Variants in RBM45 observed in about 807,000 individuals in gnomAD.
RBM45 encodes RNA binding motif protein 45.
A neutral mutation model predicts 58.5 loss-of-function variants in RBM45; 39 were observed. That is an observed-to-expected ratio of 0.67 (90% CI 0.52 to 0.87). The LOEUF (loss-of-function observed/expected upper bound fraction) is 0.87. Ranked by LOEUF, RBM45 falls within the 40% of genes least tolerant of loss-of-function variation. The probability of loss-of-function intolerance (pLI) is 0.00; values close to 1 mark genes in which losing one functional copy is unlikely to be tolerated. For missense variants in RBM45, 481 were observed against 581.6 expected, an observed-to-expected ratio of 0.83 and a Z score of 1.78; for synonymous variants, 193 against 203.0, an observed-to-expected ratio of 0.95 and a Z score of 0.42.
Position 178,112,876 on chromosome 2 carries a change from G to C in RBM45, c.300+30G>C, listed in dbSNP as rs368489501. 3 of 1,593,148 alleles carry C rather than the reference G, an allele frequency of 1.9e-6. No individual in the cohort carries two copies. The African/African-American group carries it at 4.0e-5, about 21-fold the overall frequency. On this transcript the variant is annotated intron_variant, in intron 1 of 9. Transcript: ENST00000286070. ...GGGTGCCCGGGTCGGGGTGCCCTCG[G>C]GGGAAGGAGTGGGCCTCTTGGACCT...
In RBM45 at chr2:178,116,370, C is replaced by A; in HGVS notation, c.409C>A (p.Arg137=). Residue 137 remains arginine (R), a synonymous_variant, in exon 2 of 10, where the codon CGG becomes AGG. Transcript: ENST00000286070. ...AAAGTCCTACACAGAAGAAGATCTG[C>A]GGGAAAAATTTAAGGTATTTATTCT... is the stretch of plus-strand genomic sequence containing the variant. ...IPKSYTEEDL[R]EKFKVYGDIE... The A allele has an allele frequency of 1.2e-6, 2 of 1,603,068 alleles. No individual in the cohort carries two copies. Among genetic ancestry groups the A allele is most frequent in the Non-Finnish European group, 1.7e-6 (2 of 1,176,716 alleles).
At chr2:178,131,520 G>A (rs908663986), downstream of RBM45, among the ~76,000 whole-genome samples, 2 of 152,166 alleles carry the variant, frequency 1.3e-5, no homozygotes, top group Non-Finnish European at 1.5e-5. Flanking sequence ...CACATTCTCT[G>A]TTCAGATTAA....
chr2:178,128,154 T>G (rs2087958939), intron 9 of RBM45, among the ~76,000 whole-genome samples: 1 of 151,936 alleles, frequency 6.6e-6, no homozygotes, highest in Admixed American at 6.6e-5. Context: ...TACAGGCATG[T>G]GCCACCATGC....
downstream of RBM45, among the ~76,000 whole-genome samples, chr2:178,132,471 T>G (rs2088012844): frequency 6.6e-6 from 1 of 152,252 alleles, no homozygotes; most frequent in Non-Finnish European, 1.5e-5. Context: ...TAAGGGACTT[T>G]ACCACTAGGT....
At chr2:178,125,454 A>G (rs2087916226) in intron 8 of RBM45, among the ~76,000 whole-genome samples, 1 of 152,202 alleles carries the variant, frequency 6.6e-6, no homozygotes, top group African/African-American at 2.4e-5. Flanking sequence ...CCTGAAGTAT[A>G]AAAATAATTT....
chr2:178,118,244 G>A (rs752581540), intron 3 of RBM45, 63 bp downstream of exon 3: 58 of 1,458,446 alleles, frequency 4.0e-5, no homozygotes, highest in Non-Finnish European at 5.2e-5. Context: ...CTAAATAGCT[G>A]AATTTAATAT....
At chr2:178,116,128 CTT>C in intron 1 of RBM45, 132 bp from the exon 2 acceptor site, 8 of 1,074,202 alleles carry the variant, frequency 7.4e-6, no homozygotes, top group Non-Finnish European at 1.0e-5. Context: ...CTGCAGCCTG[CTT>C]TTTTTTTTCT....
intron 2 of RBM45, 139 bp from the exon 3 acceptor site, chr2:178,117,916 A>C: frequency 3.9e-6 from 2 of 511,672 alleles, no homozygotes; most frequent in Non-Finnish European, 6.6e-6. Flanking sequence ...GCAAATACAA[A>C]TATGCAATAT....
chr2:178,120,273 T>G lies in RBM45; in HGVS notation c.551-14T>G. 6.2e-7 allele frequency: 1 copy of G among 1,611,688 alleles called. No homozygotes were observed. Among genetic ancestry groups the G allele is most frequent in the Non-Finnish European group, 8.5e-7 (1 of 1,179,160 alleles). On this transcript the variant is annotated splice_polypyrimidine_tract_variant and intron_variant, in intron 3 of 9. Transcript: ENST00000286070. ...AATTTGCTGTGAAACTTGAAATTCA[T>G]GGGGTTTTTTCAGGTTTTAGAGCAA...
intron 5 of RBM45, 60 bp from the exon 6 acceptor site, chr2:178,123,462 C>T (rs921867217): frequency 1.3e-5 from 19 of 1,492,568 alleles, no homozygotes; most frequent in Admixed American, 9.8e-5. Flanking sequence ...TAGATTGTAA[C>T]ATAGGCCTTA....
chr2:178,128,022 T>TA (rs869234357), intron 9 of RBM45, among the ~76,000 whole-genome samples: 62 of 144,088 alleles, frequency 4.3e-4, no homozygotes, highest in Non-Finnish European at 6.7e-4. Context: ...TTTTTTTTTT[T>TA]AAACACAGAA....
At chr2:178,134,418 C>A (rs1350775422), downstream of RBM45, among the ~76,000 whole-genome samples, 1 of 152,146 alleles carries the variant, frequency 6.6e-6, no homozygotes, top group Non-Finnish European at 1.5e-5. Flanking sequence ...TCTCTGAATT[C>A]TTCTCCAAAT....
chr2:178,135,257 C>A (rs181284356), intron 3 of RBM45, among the ~76,000 whole-genome samples: 1 of 152,280 alleles, frequency 6.6e-6, no homozygotes, highest in Admixed American at 6.5e-5. Flanking sequence ...GAGCACTGGA[C>A]AGGGGAGCTG....
chr2:178,138,790 G>A (rs890734241), exon 4 of RBM45: 10 of 151,876 alleles, frequency 6.6e-5, no homozygotes, highest in African/African-American at 2.2e-4. Context: ...TATCTATTCC[G>A]AAATTTTTCA....
intron 8 of RBM45, 138 bp downstream of exon 8, chr2:178,124,428 T>C: frequency 2.2e-6 from 1 of 464,526 alleles, no homozygotes; most frequent in Non-Finnish European, 3.7e-6. Context: ...CTTATTTGTA[T>C]CATCTTTTTC....
chr2:178,137,649 T>C (rs1291290770), exon 4 of RBM45: 1 of 152,170 alleles, frequency 6.6e-6, no homozygotes, highest in Non-Finnish European at 1.5e-5. Context: ...GCAAAACATA[T>C]CTTTGAGCAG....
rs768190637 is a variant in RBM45, at chr2:178,120,482, C to G, written c.673+73C>G. 179 of 1,337,840 alleles carry G rather than the reference C, an allele frequency of 1.3e-4. 1 individual carries two copies. Among genetic ancestry groups the G allele is most frequent in the Non-Finnish European group, 1.7e-4 (166 of 989,960 alleles). 82.9% of individuals were successfully genotyped at this position (1,337,840 alleles called of 1,614,324 possible). Reference sequence around the variant, plus strand: ...TCTAATTTGGGTTTTAAAGAATACTCTGTTATTGGGCATCTATAAATTTCA... The same window carrying G: ...TCTAATTTGGGTTTTAAAGAATACTGTGTTATTGGGCATCTATAAATTTCA... On this transcript the variant is annotated intron_variant, in intron 4 of 9. Coordinates refer to ENST00000286070, the MANE Select transcript of RBM45 (RefSeq NM_152945.4).
rs374556621 is a variant in RBM45, at chr2:178,112,856, C to T, written c.300+10C>T. 2.4e-5 allele frequency: 38 copies of T among 1,598,940 alleles called. No homozygotes were observed. The highest frequency in any genetic ancestry group is 3.1e-5 in the Non-Finnish European group (36 of 1,168,224). On this transcript the variant is annotated intron_variant, in intron 1 of 9. Coordinates refer to ENST00000286070, the MANE Select transcript of RBM45 (RefSeq NM_152945.4). Reference sequence around the variant, plus strand: ...CACCAAGCCCATCAAGGTGCGGGTGCCCGGGTCGGGGTGCCCTCGGGGGAA... The same window carrying T: ...CACCAAGCCCATCAAGGTGCGGGTGTCCGGGTCGGGGTGCCCTCGGGGGAA...
chr2:178,124,710 A>G (rs2153905547), intron 8 of RBM45, among the ~76,000 whole-genome samples: 1 of 152,252 alleles, frequency 6.6e-6, no homozygotes, highest in South Asian at 2.1e-4. Context: ...GATACTTGGG[A>G]GGCTAAGGTG....
Sources: allele counts gnomAD v4.1 joint callset (sites outside exome capture counted in the v4.1 genomes callset), GRCh38; gene constraint gnomAD v4.1.1; transcripts MANE v1.5; gene names NCBI Gene and HGNC (gene_info 2026-07-23, HGNC 2026-07-21).